GALNT13: variants seen among roughly 807,000 people sequenced by gnomAD.
GALNT13 encodes polypeptide N-acetylgalactosaminyltransferase 13.
GALNT13 carries 28 observed loss-of-function variants against 64.2 expected under a neutral mutation model. The ratio of observed to expected loss-of-function variants is 0.44; its 90% CI spans 0.32 to 0.60. GALNT13 has a LOEUF of 0.60. Ranked by LOEUF, GALNT13 falls within the 20% of genes least tolerant of loss-of-function variation. GALNT13 has a pLI of 0.05. For missense variants in GALNT13, 577 were observed against 669.8 expected, an observed-to-expected ratio of 0.86 and a Z score of 1.53; for synonymous variants, 214 against 224.6, an observed-to-expected ratio of 0.95 and a Z score of 0.42.
the GALNT13 span, among the ~76,000 whole-genome samples, chr2:153,222,255 T>C: frequency 2.0e-5 from 2 of 102,350 alleles, no homozygotes; most frequent in Non-Finnish European, 1.9e-5. Context: ...AGACCCACAG[T>C]GTGTAGCTCA....
intron 7 of GALNT13, among the ~76,000 whole-genome samples, chr2:154,252,772 TA>T (rs1160808272): frequency 1.4e-5 from 2 of 144,466 alleles, no homozygotes; most frequent in Non-Finnish European, 3.1e-5. Context: ...GATAGATAGA[TA>T]GATAGATAAT....
At chr2:153,787,277 C>G in the GALNT13 span, among the ~76,000 whole-genome samples, 2 of 152,242 alleles carry the variant, frequency 1.3e-5, no homozygotes, top group East Asian at 3.9e-4. Flanking sequence ...AGCCTACCAA[C>G]TGACCGCTAC....
chr2:154,340,222 C>T (rs1234956364), intron 9 of GALNT13, among the ~76,000 whole-genome samples: 1 of 152,028 alleles, frequency 6.6e-6, no homozygotes, highest in Non-Finnish European at 1.5e-5. Context: ...CTTGCATCTT[C>T]CTTAATCCTC....
the GALNT13 span, among the ~76,000 whole-genome samples, chr2:153,454,771 T>C: frequency 5.0e-4 from 76 of 152,372 alleles, 2 homozygotes; most frequent in African/African-American, 1.7e-3. Flanking sequence ...TCAAGACCTA[T>C]GAATGTATGT....
intron 9 of GALNT13, among the ~76,000 whole-genome samples, chr2:154,337,610 AT>A (rs1695528858): frequency 6.6e-6 from 1 of 152,092 alleles, no homozygotes; most frequent in African/African-American, 2.4e-5. Context: ...GAATATTTAA[AT>A]GTACATTTTG....
intron 7 of GALNT13, among the ~76,000 whole-genome samples, chr2:154,252,557 C>T (rs1690130539): frequency 1.3e-5 from 2 of 151,804 alleles, no homozygotes; most frequent in Non-Finnish European, 2.9e-5. Context: ...TGGGTTTCAC[C>T]GTGTTAGCCA....
chr2:153,509,613 G>A, the GALNT13 span, among the ~76,000 whole-genome samples: 2 of 152,234 alleles, frequency 1.3e-5, no homozygotes, highest in Non-Finnish European at 2.9e-5. Flanking sequence ...TCATTGAATT[G>A]CTTCTATATA....
chr2:153,853,774 T>C, the GALNT13 span, among the ~76,000 whole-genome samples: 1 of 150,536 alleles, frequency 6.6e-6, no homozygotes. Context: ...ATAAATATAA[T>C]ATACACTGTG....
chr2:153,202,306 T>C, the GALNT13 span, among the ~76,000 whole-genome samples: 1 of 152,198 alleles, frequency 6.6e-6, no homozygotes, highest in African/African-American at 2.4e-5. Flanking sequence ...CTACATATGC[T>C]ACTTTCCCTG....
the GALNT13 span, among the ~76,000 whole-genome samples, chr2:153,368,005 C>T: frequency 1.3e-5 from 2 of 151,724 alleles, no homozygotes; most frequent in African/African-American, 4.8e-5. Context: ...CCAGTTAAAG[C>T]GTAAAGATTG....
intron 9 of GALNT13, among the ~76,000 whole-genome samples, chr2:154,318,523 C>T (rs1057425823): frequency 6.6e-6 from 1 of 151,772 alleles, no homozygotes; most frequent in Non-Finnish European, 1.5e-5. Context: ...GTCAGGAGTT[C>T]GAGACTAACC....
At chr2:154,385,970 C>T (rs545425785) in intron 9 of GALNT13, among the ~76,000 whole-genome samples, 4 of 152,076 alleles carry the variant, frequency 2.6e-5, no homozygotes, top group East Asian at 3.9e-4. Context: ...AAACAAAATG[C>T]AAAACAATAG....
At chr2:153,295,433 C>CT in the GALNT13 span, among the ~76,000 whole-genome samples, 1 of 151,610 alleles carries the variant, frequency 6.6e-6, no homozygotes, top group East Asian at 1.9e-4. Context: ...TGGATTAATA[C>CT]TTTGTCCAAA....
At chr2:153,610,881 AAAG>A in the GALNT13 span, among the ~76,000 whole-genome samples, 1 of 152,168 alleles carries the variant, frequency 6.6e-6, no homozygotes, top group Non-Finnish European at 1.5e-5. Context: ...TCAATGAAAG[AAAG>A]AAGGAAATAA....
chr2:153,279,783 G>A, the GALNT13 span, among the ~76,000 whole-genome samples: 12 of 151,788 alleles, frequency 7.9e-5, no homozygotes, highest in Non-Finnish European at 1.6e-4. Flanking sequence ...GAGAATTTTT[G>A]CGTCTATGTT....
intron 11 of GALNT13, chr2:154,437,566 C>T (rs770035931): frequency 7.8e-7 from 1 of 1,284,820 alleles, no homozygotes; most frequent in Non-Finnish European, 1.0e-6. Flanking sequence ...TGCTTAATAA[C>T]CCTCATGAGG....
chr2:153,857,548 C>A, the GALNT13 span, among the ~76,000 whole-genome samples: 1 of 152,134 alleles, frequency 6.6e-6, no homozygotes, highest in Non-Finnish European at 1.5e-5. Context: ...GATTTCATTT[C>A]TGCTTTAACC....
At chr2:153,872,654 G>C in intron 1 of GALNT13, among the ~76,000 whole-genome samples, 1 of 140,346 alleles carries the variant, frequency 7.1e-6, no homozygotes. Context: ...GGCCCCCTCT[G>C]CGTTCTGGTG....
the GALNT13 span, among the ~76,000 whole-genome samples, chr2:153,136,460 T>C: frequency 7.9e-5 from 12 of 152,098 alleles, no homozygotes; most frequent in East Asian, 2.3e-3. Context: ...GGAGTAGAAA[T>C]ATGATTGCGG....
Sources: allele counts gnomAD v4.1 joint callset (sites outside exome capture counted in the v4.1 genomes callset), GRCh38; gene constraint gnomAD v4.1.1; transcripts MANE v1.5; gene names NCBI Gene and HGNC (gene_info 2026-07-23, HGNC 2026-07-21).